RAB3C: variants seen among roughly 807,000 people sequenced by gnomAD.
RAB3C encodes ras-related protein Rab-3C.
A neutral mutation model predicts 26.4 loss-of-function variants in RAB3C; 17 were observed. The observed-to-expected ratio is 0.64, with a 90% CI of 0.44 to 0.97. The LOEUF (loss-of-function observed/expected upper bound fraction) is 0.97, where lower values mean the gene tolerates loss of function less well. Among genes scored for constraint, RAB3C ranks in the 50% least tolerant of loss-of-function variants. The pLI is 0.00. For missense variants in RAB3C, 242 were observed against 281.9 expected (o/e 0.86, Z 1.01); for synonymous variants, 91 against 95.9 (o/e 0.95, Z 0.30).
intron 2 of RAB3C, among the ~76,000 whole-genome samples, chr5:58,683,861 C>A (rs1453153068): frequency 6.6e-6 from 1 of 152,166 alleles, no homozygotes; most frequent in Non-Finnish European, 1.5e-5. Context: ...ATTTGAGTAA[C>A]TCTTACTTAA....
At chr5:58,701,082 G>A (rs368936397) in intron 2 of RAB3C, among the ~76,000 whole-genome samples, 11 of 151,936 alleles carry the variant, frequency 7.2e-5, no homozygotes, top group South Asian at 2.1e-4. Flanking sequence ...TGCAAGCTCC[G>A]CCTCCCAAGT....
At chr5:58,721,711 C>T (rs905383276) in intron 2 of RAB3C, among the ~76,000 whole-genome samples, 1 of 151,722 alleles carries the variant, frequency 6.6e-6, no homozygotes, top group Non-Finnish European at 1.5e-5. Context: ...ACAAAGTCAG[C>T]TTGGTGTCTG....
intron 3 of RAB3C, among the ~76,000 whole-genome samples, chr5:58,769,263 G>A (rs534475782): frequency 3.9e-5 from 6 of 152,190 alleles, no homozygotes; most frequent in Non-Finnish European, 8.8e-5. Flanking sequence ...TCCATTGGAT[G>A]TCCAAGCAGA....
intron 2 of RAB3C, among the ~76,000 whole-genome samples, chr5:58,713,834 G>T (rs560995806): frequency 6.6e-6 from 1 of 152,188 alleles, no homozygotes; most frequent in South Asian, 2.1e-4. Context: ...AAACTAGGAC[G>T]TATGGTTACC....
intron 3 of RAB3C, among the ~76,000 whole-genome samples, chr5:58,733,742 G>A (rs971464809): frequency 3.3e-5 from 5 of 152,186 alleles, no homozygotes; most frequent in Non-Finnish European, 5.9e-5. Flanking sequence ...TCTCAAATGG[G>A]TTGTGACCAG....
At chr5:58,729,073 A>T (rs1740947306) in intron 3 of RAB3C, among the ~76,000 whole-genome samples, 1 of 151,990 alleles carries the variant, frequency 6.6e-6, no homozygotes. Context: ...TTCATAACAG[A>T]CAACACTATC....
intron 3 of RAB3C, among the ~76,000 whole-genome samples, chr5:58,773,513 G>A (rs558060871): frequency 1.3e-5 from 2 of 152,220 alleles, no homozygotes; most frequent in East Asian, 3.9e-4. Flanking sequence ...GTGTTTGTGT[G>A]GAAAGTAGGT....
At chr5:58,692,194 G>A (rs888840761) in intron 2 of RAB3C, among the ~76,000 whole-genome samples, 3 of 152,082 alleles carry the variant, frequency 2.0e-5, no homozygotes, top group East Asian at 3.8e-4. Flanking sequence ...ATATAGCCAC[G>A]TCCATTTTTA....
In RAB3C at chr5:58,750,007, T is replaced by C. The variant is rs962343181; in HGVS notation, c.371+23887T>C. On this transcript the variant is annotated intron_variant, in intron 3 of 4. Transcript: ENST00000282878. ...TCATTATTAATTTATGTGTTAGCCA[T>C]TTCTTTTTTATCTATTATTCTATTT... Among the ~76,000 whole-genome samples, 9 of 152,210 alleles carry C rather than the reference T, an allele frequency of 5.9e-5. 1 individual carries two copies. Among genetic ancestry groups the C allele is most frequent in the South Asian group, 4.1e-4 (2 of 4,834 alleles).
intron 3 of RAB3C, among the ~76,000 whole-genome samples, chr5:58,777,546 T>C (rs1283627147): frequency 6.6e-6 from 1 of 152,054 alleles, no homozygotes; most frequent in Non-Finnish European, 1.5e-5. Flanking sequence ...TAATTTTATA[T>C]GTCTATATCT....
chr5:58,606,108 G>A (rs1746562747), intron 1 of RAB3C, among the ~76,000 whole-genome samples: 1 of 152,162 alleles, frequency 6.6e-6, no homozygotes, highest in Non-Finnish European at 1.5e-5. Context: ...CACCTCAGCT[G>A]GGAAGCACAA....
rs1579952946 is a variant in RAB3C, at chr5:58,849,641, T to C, written c.497-1523T>C. On this transcript the variant is annotated intron_variant, in intron 4 of 4. Transcript: ENST00000282878. ...TGGTTTGAAATATCCAGCTCTATTT[T>C]ATAGAACCTTGACTCTACTGATGTT... Among the ~76,000 whole-genome samples the C allele has an allele frequency of 2.0e-5, 3 of 152,206 alleles. No homozygotes were observed. In the South Asian group the frequency reaches 6.2e-4, roughly 32 times the overall value.
At chr5:58,684,844 G>A (rs1332345388) in intron 2 of RAB3C, among the ~76,000 whole-genome samples, 2 of 152,232 alleles carry the variant, frequency 1.3e-5, no homozygotes, top group South Asian at 4.2e-4. Flanking sequence ...AGATTTTACC[G>A]CCATGTGGGC....
chr5:58,671,282 A>T (rs1748114055), intron 2 of RAB3C, among the ~76,000 whole-genome samples: 1 of 151,982 alleles, frequency 6.6e-6, no homozygotes, highest in Admixed American at 6.6e-5. Context: ...TTCTCCCCCC[A>T]CTTTGAAATA....
intron 3 of RAB3C, among the ~76,000 whole-genome samples, chr5:58,789,712 A>G (rs1742476318): frequency 1.3e-5 from 2 of 152,200 alleles, no homozygotes; most frequent in South Asian, 4.1e-4. Flanking sequence ...GGAAAAATTC[A>G]TAGAATTATA....
At chr5:58,761,245 G>A (rs923913372) in intron 3 of RAB3C, among the ~76,000 whole-genome samples, 1 of 151,898 alleles carries the variant, frequency 6.6e-6, no homozygotes, top group Admixed American at 6.6e-5. Flanking sequence ...AAAAAACAAT[G>A]GAATTATTTA....
chr5:58,847,370 T>TCA (rs1744027794), intron 4 of RAB3C, among the ~76,000 whole-genome samples: 1 of 152,214 alleles, frequency 6.6e-6, no homozygotes, highest in Non-Finnish European at 1.5e-5. Flanking sequence ...TTGGAAGTGA[T>TCA]CTTCAAAGTT....
In RAB3C at chr5:58,583,192, A is replaced by G. The variant is rs746945716; in HGVS notation, c.-17A>G. The G allele has an allele frequency of 6.2e-7, 1 of 1,614,200 alleles. No homozygotes were observed. Among genetic ancestry groups the G allele is most frequent in the South Asian group, 1.1e-5 (1 of 91,088 alleles). ...ACCAGTGCGGTCCTAGCCAGAGAGA[A>G]AGGACATTTGCCAACAATGAGACAC... is the stretch of plus-strand genomic sequence containing the variant. On this transcript the variant is annotated 5_prime_UTR_variant, in exon 1 of 5. Coordinates refer to ENST00000282878, the MANE Select transcript of RAB3C (RefSeq NM_138453.4).
intron 2 of RAB3C, among the ~76,000 whole-genome samples, chr5:58,666,943 T>G (rs750419380): frequency 6.6e-6 from 1 of 152,190 alleles, no homozygotes; most frequent in Non-Finnish European, 1.5e-5. Context: ...ATCTGAACAT[T>G]TGAGCGTTTT....
Sources: gnomAD v4.1 joint callset for allele counts (sites outside exome capture counted in the v4.1 genomes callset) on GRCh38, gnomAD v4.1.1 for gene constraint, MANE v1.5 for transcripts, NCBI Gene and HGNC (gene_info 2026-07-23, HGNC 2026-07-21) for gene names.